The following GM2A variants were observed in gnomAD, a reference collection of about 807,000 sequenced individuals.
The protein encoded by GM2A is ganglioside GM2 activator, also known as GM2 ganglioside activator.
GM2A carries 7 observed loss-of-function variants against 12.9 expected under a neutral mutation model. That is an observed-to-expected ratio of 0.54 (90% CI 0.31 to 1.02). The LOEUF is 1.02. Ranked by LOEUF, GM2A falls within the 50% of genes least tolerant of loss-of-function variation. The pLI, the probability that GM2A is intolerant of heterozygous loss-of-function variation, is 0.05. For synonymous variants in GM2A, 101 were observed against 96.0 expected, an observed-to-expected ratio of 1.05 and a Z score of -0.30; for missense variants, 246 against 241.0, an observed-to-expected ratio of 1.02 and a Z score of -0.14.
intron 2 of GM2A, among the ~76,000 whole-genome samples, chr5:151,261,261 G>A (rs1753793615): frequency 6.6e-6 from 1 of 152,152 alleles, no homozygotes; most frequent in Non-Finnish European, 1.5e-5. Context: ...CTGAGTTCAA[G>A]CAATCCTCCT....
intron 1 of GM2A, among the ~76,000 whole-genome samples, 166 bp downstream of exon 1, chr5:151,253,463 G>A (rs1582066805): frequency 6.6e-6 from 1 of 152,154 alleles, no homozygotes; most frequent in Non-Finnish European, 1.5e-5. Context: ...GTACAATGAG[G>A]GTGGCCTCTA....
At chr5:151,262,363 C>T (rs1218352045) in intron 2 of GM2A, among the ~76,000 whole-genome samples, 1 of 152,188 alleles carries the variant, frequency 6.6e-6, no homozygotes, top group East Asian at 1.9e-4. Flanking sequence ...CTATCATTAT[C>T]CTTAGACCTG....
At chr5:151,254,543 C>T (rs1181546654) in intron 1 of GM2A, among the ~76,000 whole-genome samples, 1 of 152,156 alleles carries the variant, frequency 6.6e-6, no homozygotes, top group Admixed American at 6.5e-5. Flanking sequence ...TATTGCACAC[C>T]AGGGTGACTA....
At chr5:151,260,499 T>A (rs969731633) in intron 2 of GM2A, among the ~76,000 whole-genome samples, 1 of 152,094 alleles carries the variant, frequency 6.6e-6, no homozygotes, top group Non-Finnish European at 1.5e-5. Flanking sequence ...GTGCCTGTAA[T>A]CCTAGCTACT....
intron 1 of GM2A, among the ~76,000 whole-genome samples, chr5:151,256,608 GA>G (rs60009533): frequency 6.3e-4 from 77 of 121,620 alleles, no homozygotes; most frequent in South Asian, 1.5e-3. Flanking sequence ...TCTGTCTCAA[GA>G]AAAAAAAAAA....
chr5:151,259,761 C>T lies in GM2A; in HGVS notation c.88C>T (p.Gln30Ter). ...PAQAHLKKPS[Q>*]LSSFSWDNCD... ...GCTGCCTGATTGTCCCCAGCCATCC[C>T]AGCTCAGTAGCTTTTCCTGGGATAA... The change falls in exon 2 of 4, where the codon CAG (glutamine) becomes TAG (stop). Residue 30 changes from glutamine to a stop codon, truncating the protein, a stop_gained. Coordinates refer to ENST00000357164, the MANE Select transcript of GM2A (RefSeq NM_000405.5). LOFTEE classifies it high-confidence loss of function. 1 of 1,613,862 alleles carries T rather than the reference C, an allele frequency of 6.2e-7. No homozygotes were observed. Among genetic ancestry groups the T allele is most frequent in the Non-Finnish European group, 8.5e-7 (1 of 1,179,760 alleles).
chr5:151,269,307 G>T lies in GM2A; in HGVS notation c.*1856G>T. Reference sequence around the variant, plus strand: ...TCTCAGGATTTCAAAAGCATTTTTGGGGTGGGGCTCTTTTGGTTGGAAGGG... The same window carrying T: ...TCTCAGGATTTCAAAAGCATTTTTGTGGTGGGGCTCTTTTGGTTGGAAGGG... On this transcript the variant is annotated 3_prime_UTR_variant, in exon 4 of 4. Transcript: ENST00000357164. 1.0e-6 allele frequency: 1 copy of T among 985,506 alleles called. No individual in the cohort carries two copies. The highest frequency in any genetic ancestry group is 1.2e-6 in the Non-Finnish European group (1 of 829,988). 61.0% of individuals were successfully genotyped at this position (985,506 alleles called of 1,614,324 possible).
In GM2A at chr5:151,269,507, G is replaced by A. The variant is rs1753966107; in HGVS notation, c.*2056G>A. 3.2e-6 allele frequency: 3 copies of A among 924,876 alleles called. No individual in the cohort carries two copies. Among genetic ancestry groups the A allele is most frequent in the Non-Finnish European group, 3.9e-6 (3 of 774,716 alleles). The allele number at this position is 924,876 out of a possible 1,614,324, so 57.3% of individuals were successfully genotyped here. On this transcript the variant is annotated 3_prime_UTR_variant, in exon 4 of 4. Coordinates refer to ENST00000357164, the MANE Select transcript of GM2A (RefSeq NM_000405.5). ...AAATCACCTAGTGACCATTGAACAG[G>A]TCCCAGAGACAAAATCTTTTTATCT...
At chr5:151,266,583 A>C in intron 2 of GM2A, 148 bp from the exon 3 acceptor site, 1 of 684,344 alleles carries the variant, frequency 1.5e-6, no homozygotes, top group Non-Finnish European at 2.6e-6. Flanking sequence ...CCATTCCTAG[A>C]ACAGACTATC....
At position 151,270,273 on chromosome 5, in the gene GM2A, G is replaced by A. The variant is rs1753984373; in HGVS notation, c.*2822G>A. 2.3e-6 allele frequency: 1 copy of A among 431,732 alleles called. No individual in the cohort carries two copies. Among genetic ancestry groups the A allele is most frequent in the African/African-American group, 2.0e-5 (1 of 49,176 alleles). 26.7% of individuals were successfully genotyped at this position (431,732 alleles called of 1,614,324 possible). ...CTCCATCTGGATCCAGGATCCAAATGTAAGAAAATGAAGCCATATAAATAC... is the reference window on the plus strand; with the variant it reads ...CTCCATCTGGATCCAGGATCCAAATATAAGAAAATGAAGCCATATAAATAC... On this transcript the variant is annotated 3_prime_UTR_variant, in exon 4 of 4. Coordinates refer to ENST00000357164, the MANE Select transcript of GM2A (RefSeq NM_000405.5).
rs552794180 is a variant in GM2A, at chr5:151,261,440, GTTTA to G, written c.243+1528_243+1531del. ...CAGGGTAGTTTTTATTTGTTTGTTTGTTTATTTGTTTGTTTTGAGACAGGTTCTT... is the reference window on the plus strand; with the variant it reads ...CAGGGTAGTTTTTATTTGTTTGTTTGTTTGTTTGTTTTGAGACAGGTTCTT... On this transcript the variant is annotated intron_variant, in intron 2 of 3. Coordinates refer to ENST00000357164, the MANE Select transcript of GM2A (RefSeq NM_000405.5). Among the ~76,000 whole-genome samples the G allele has an allele frequency of 1.3e-3, 201 of 152,030 alleles. 1 individual carries two copies. Among genetic ancestry groups the G allele is most frequent in the African/African-American group, 4.2e-3 (175 of 41,478 alleles).
intron 1 of GM2A, 58 bp from the exon 2 acceptor site, chr5:151,259,697 T>G: frequency 6.5e-7 from 1 of 1,527,234 alleles, no homozygotes; most frequent in Non-Finnish European, 9.1e-7. Flanking sequence ...TGATCTGTGA[T>G]AGTTTCTTTT....
At position 151,259,906 on chromosome 5, in the gene GM2A, C is replaced by T; in HGVS notation, c.233C>T (p.Ser78Phe). 2.5e-6 allele frequency: 4 copies of T among 1,613,402 alleles called. No individual in the cohort carries two copies. The highest frequency in any genetic ancestry group is 3.4e-6 in the Non-Finnish European group (4 of 1,179,434). The stretch of plus-strand genomic sequence containing the variant: ...GGCAGCACCAGTGTCCCCCTGAGTT[C>T]TCCTCTGAAGGTGAGCCTGGGGGTG... The part of the protein sequence containing the change: ...VMGSTSVPLS[S>F]PLKVDLVLEK... Residue 78 changes from serine (S) to phenylalanine (F), a missense_variant, in exon 2 of 4, where the codon TCT (serine) becomes TTT (phenylalanine). By Grantham distance (155) the Ser-to-Phe change is radical. Transcript: ENST00000357164.
rs1174735558 is a variant in GM2A at position 151,266,900 on chromosome 5, G to C, written c.413G>C (p.Cys138Ser). The part of the protein sequence containing the change: ...PLRTYGLPCH[C>S]PFKEGTYSLP... The stretch of plus-strand genomic sequence containing the variant: ...CGTACCTATGGGCTTCCTTGCCACT[G>C]TCCCTTCAAAGAAGTAAGTACTTAG... The change falls in exon 3 of 4, where the codon TGT becomes TCT. Residue 138 changes from cysteine (C) to serine (S), a missense_variant. Coordinates refer to ENST00000357164, the MANE Select transcript of GM2A (RefSeq NM_000405.5). The C allele has an allele frequency of 6.2e-7, 1 of 1,613,352 alleles. No homozygotes were observed. The highest frequency in any genetic ancestry group is 1.7e-5 in the Admixed American group (1 of 60,016).
At chr5:151,259,510 A>C (rs773722449) in intron 1 of GM2A, among the ~76,000 whole-genome samples, 1 of 152,126 alleles carries the variant, frequency 6.6e-6, no homozygotes, top group Non-Finnish European at 1.5e-5. Flanking sequence ...ATCCTGCCTT[A>C]TAGTTTACAA....
Position 151,256,508 on chromosome 5 carries a change from G to A in GM2A, c.81+3211G>A, listed in dbSNP as rs147809871. 7.1e-3 allele frequency among the ~76,000 whole-genome samples: 1,073 copies of A among 151,690 alleles called. 11 individuals are homozygous for A. Among genetic ancestry groups the A allele is most frequent in the African/African-American group, 0.025 (1,019 of 41,322 alleles). ...TAGTCCCAGCTACTTGGGAGGCTGA[G>A]GCAGGAGAAATCACTTGAACCTAGG... On this transcript the variant is annotated intron_variant, in intron 1 of 3. Transcript: ENST00000357164.
intron 1 of GM2A, among the ~76,000 whole-genome samples, chr5:151,259,151 C>T (rs573191987): frequency 6.8e-4 from 103 of 152,212 alleles, no homozygotes; most frequent in Non-Finnish European, 1.1e-3. Flanking sequence ...TGGGGAAGTC[C>T]ACTGGGGATT....
rs1355937968 is a variant in GM2A at position 151,266,743 on chromosome 5, T to G, written c.256T>G (p.Leu86Val). Reference protein sequence around the residue: ...LSSPLKVDLVLEKEVAGLWIK... With the variant: ...LSSPLKVDLVVEKEVAGLWIK... ...TTTTTTTTACCAGGTGGATTTAGTTTTGGAGAAGGAGGTGGCTGGCCTCTG... is the reference window on the plus strand; with the variant it reads ...TTTTTTTTACCAGGTGGATTTAGTTGTGGAGAAGGAGGTGGCTGGCCTCTG... The change falls in exon 3 of 4, where the codon TTG becomes GTG. Residue 86 changes from leucine to valine, a missense_variant. Coordinates refer to ENST00000357164, the MANE Select transcript of GM2A (RefSeq NM_000405.5). The G allele has an allele frequency of 6.2e-7, 1 of 1,613,852 alleles. No homozygotes were observed. Among genetic ancestry groups the G allele is most frequent in the Non-Finnish European group, 8.5e-7 (1 of 1,179,748 alleles).
intron 2 of GM2A, among the ~76,000 whole-genome samples, chr5:151,263,395 A>ATT (rs1193148860): frequency 1.3e-5 from 2 of 151,436 alleles, no homozygotes; most frequent in African/African-American, 4.8e-5. Context: ...ATATATATAT[A>ATT]TATTTATTTA....
Sources: allele counts gnomAD v4.1 joint callset (sites outside exome capture counted in the v4.1 genomes callset), GRCh38; gene constraint gnomAD v4.1.1; transcripts MANE v1.5; gene names NCBI Gene and HGNC (gene_info 2026-07-23, HGNC 2026-07-21).